PCLO: variants seen among roughly 807,000 people sequenced by gnomAD.
PCLO encodes piccolo presynaptic cytomatrix protein.
In PCLO, 82 loss-of-function variants were observed where a neutral mutation model predicts 427.5. That is an observed-to-expected ratio of 0.19 (90% CI 0.16 to 0.23). PCLO has a LOEUF of 0.23. Ranked by LOEUF, PCLO falls within the 10% of genes least tolerant of loss-of-function variation. The pLI is 1.00. For synonymous variants in PCLO, 2,357 were observed against 2,155.4 expected (o/e 1.09, Z -2.59); for missense variants, 6,239 against 6,115.9 (o/e 1.02, Z -0.67).
intron 3 of PCLO, among the ~76,000 whole-genome samples, chr7:83,007,690 T>C (rs898739070): frequency 1.3e-5 from 2 of 151,566 alleles, no homozygotes; most frequent in Non-Finnish European, 1.5e-5. Flanking sequence ...GAGTGTGGGT[T>C]TGTAGAGTCA....
chr7:83,083,916 T>C (rs566284979), intron 3 of PCLO, among the ~76,000 whole-genome samples: 1 of 152,276 alleles, frequency 6.6e-6, no homozygotes, highest in South Asian at 2.1e-4. Context: ...ACAGAGTGAA[T>C]ATAATTTTTA....
chr7:82,820,929 A>G (rs1791775743), intron 20 of PCLO: 2 of 1,229,670 alleles, frequency 1.6e-6, no homozygotes, highest in Non-Finnish European at 1.0e-6. Flanking sequence ...TGTAGTCAAT[A>G]TATTACGGGA....
intron 3 of PCLO, among the ~76,000 whole-genome samples, chr7:83,121,780 G>T (rs891465871): frequency 1.3e-5 from 2 of 152,020 alleles, no homozygotes; most frequent in Non-Finnish European, 2.9e-5. Context: ...ATCAAAGAAG[G>T]TAATAATATA....
intron 3 of PCLO, among the ~76,000 whole-genome samples, chr7:82,995,075 A>G (rs2115868101): frequency 6.6e-6 from 1 of 152,146 alleles, no homozygotes; most frequent in East Asian, 1.9e-4. Context: ...TATGGGTCTG[A>G]AGCTCAGAAA....
intron 20 of PCLO, chr7:82,821,307 G>C: frequency 1.0e-6 from 1 of 986,202 alleles, no homozygotes; most frequent in Middle Eastern, 5.2e-4. Flanking sequence ...GTGGCAGTGT[G>C]GGTGAAATGG....
intron 10 of PCLO, chr7:82,868,338 A>G: frequency 2.7e-6 from 1 of 372,138 alleles, no homozygotes; most frequent in Non-Finnish European, 5.3e-6. Flanking sequence ...CTTTTTCATG[A>G]CAAGGAATTC....
At chr7:83,150,711 A>C (rs2116669724) in intron 2 of PCLO, among the ~76,000 whole-genome samples, 1 of 152,310 alleles carries the variant, frequency 6.6e-6, no homozygotes, top group East Asian at 1.9e-4. Flanking sequence ...TTGGTAACAA[A>C]AAATATTAGA....
At chr7:82,837,180 T>C (rs767955085) in intron 15 of PCLO, among the ~76,000 whole-genome samples, 4 of 152,072 alleles carry the variant, frequency 2.6e-5, no homozygotes, top group Non-Finnish European at 5.9e-5. Context: ...ATAATTATAA[T>C]AGCTGGGATT....
chr7:82,797,581 C>G (rs1014621741), intron 22 of PCLO, among the ~76,000 whole-genome samples: 1 of 152,088 alleles, frequency 6.6e-6, no homozygotes, highest in Admixed American at 6.5e-5. Context: ...TGGATGGGAT[C>G]AAAATGACTC....
At chr7:82,933,421 T>G (rs370618934) in intron 6 of PCLO, among the ~76,000 whole-genome samples, 1 of 151,940 alleles carries the variant, frequency 6.6e-6, no homozygotes, top group Non-Finnish European at 1.5e-5. Context: ...TCAGAAAAAA[T>G]AGGAATTTGA....
rs893682648 is a variant in PCLO at position 83,019,684 on chromosome 7, T to C, written c.3301-53197A>G. On this transcript the variant is annotated intron_variant, in intron 3 of 24. Transcript: ENST00000333891. ...TAGGAGAACCAATGTCTCATTTTTA[T>C]TATGTAAACATCATTTCTATGCATG... Among the ~76,000 whole-genome samples the C allele has an allele frequency of 2.0e-5, 3 of 152,076 alleles. No homozygotes were observed. In the East Asian group the frequency reaches 5.8e-4, roughly 29 times the overall value.
At chr7:83,083,923 T>C (rs1022586899) in intron 3 of PCLO, among the ~76,000 whole-genome samples, 2 of 152,172 alleles carry the variant, frequency 1.3e-5, no homozygotes, top group Non-Finnish European at 2.9e-5. Flanking sequence ...GAATATAATT[T>C]TTAAAACTTT....
intron 4 of PCLO, among the ~76,000 whole-genome samples, chr7:82,961,101 T>C (rs1795646726): frequency 2.0e-5 from 3 of 152,182 alleles, no homozygotes; most frequent in South Asian, 2.1e-4. Flanking sequence ...GTACTTAACA[T>C]AGCAGCCAGA....
rs769222029 is a variant in PCLO, at chr7:82,950,874, T to C, written c.9714A>G (p.Glu3238=). The change falls in exon 6 of 25, where the codon GAA becomes GAG. Residue 3238 remains glutamate (E), a synonymous_variant. Transcript: ENST00000333891. ...QQRFAEELEW[E]RQEIQRFREQ... ...CTCGGAACCTTTGAATTTCCTGACG[T>C]TCCCACTCCAATTCCTCAGCAAAGC... is the stretch of plus-strand genomic sequence containing the variant. The C allele has an allele frequency of 3.1e-6, 5 of 1,613,422 alleles. No homozygotes were observed. Among genetic ancestry groups the C allele is most frequent in the South Asian group, 1.1e-5 (1 of 91,090 alleles).
At chr7:82,835,384 T>C (rs1179443143) in intron 16 of PCLO, among the ~76,000 whole-genome samples, 2 of 152,208 alleles carry the variant, frequency 1.3e-5, no homozygotes, top group East Asian at 1.9e-4. Context: ...GAATAGATTA[T>C]GAGACTTTAG....
At chr7:83,050,227 A>AAAACAC (rs1554385581) in intron 3 of PCLO, among the ~76,000 whole-genome samples, 5 of 85,648 alleles carry the variant, frequency 5.8e-5, no homozygotes, top group Non-Finnish European at 1.3e-4. Flanking sequence ...AAAAAAAAAA[A>AAAACAC]AAAAAAAAAA....
intron 21 of PCLO, among the ~76,000 whole-genome samples, chr7:82,802,954 C>T (rs999577585): frequency 3.3e-5 from 5 of 152,042 alleles, no homozygotes; most frequent in Non-Finnish European, 7.4e-5. Context: ...GGTTTAAGTA[C>T]AAATTTTTAT....
chr7:83,076,478 G>C (rs1050331782), intron 3 of PCLO, among the ~76,000 whole-genome samples: 9 of 151,990 alleles, frequency 5.9e-5, no homozygotes, highest in African/African-American at 2.2e-4. Context: ...GGCCAGGCTG[G>C]TCTTGAACTC....
In PCLO at chr7:82,822,481, T is replaced by C; in HGVS notation, c.14791+14A>G. On this transcript the variant is annotated intron_variant, in intron 20 of 24. Coordinates refer to ENST00000333891, the MANE Select transcript of PCLO (RefSeq NM_033026.6). ...TTAAGCTGCCATGCTGAGGAATTTATTTGCGTCTTTTACTTGGTTGAATGC... is the reference window on the plus strand; with the variant it reads ...TTAAGCTGCCATGCTGAGGAATTTACTTGCGTCTTTTACTTGGTTGAATGC... 6.2e-7 allele frequency: 1 copy of C among 1,613,884 alleles called. No individual in the cohort carries two copies. The highest frequency in any genetic ancestry group is 8.5e-7 in the Non-Finnish European group (1 of 1,179,856).
Sources: allele counts gnomAD v4.1 joint callset (sites outside exome capture counted in the v4.1 genomes callset), GRCh38; gene constraint gnomAD v4.1.1; transcripts MANE v1.5; gene names NCBI Gene and HGNC (gene_info 2026-07-23, HGNC 2026-07-21).